The following SNRPN variants were observed in gnomAD, a reference collection of about 807,000 sequenced individuals.
SNRPN encodes small nuclear ribonucleoprotein-associated protein N.
In SNRPN, 7 loss-of-function variants were observed where a neutral mutation model predicts 25.2. That is an observed-to-expected ratio of 0.28 (90% CI 0.16 to 0.52). SNRPN has a LOEUF of 0.52. Ranked by LOEUF, SNRPN falls within the 20% of genes least tolerant of loss-of-function variation. SNRPN has a pLI of 0.96. For synonymous variants in SNRPN, 124 were observed against 110.6 expected (o/e 1.12, Z -0.76); for missense variants, 196 against 322.5 (o/e 0.61, Z 3.00).
At chr15:24,905,205 T>C (rs886245397) in intron 2 of SNRPN, among the ~76,000 whole-genome samples, 9 of 151,494 alleles carry the variant, frequency 5.9e-5, no homozygotes, top group Non-Finnish European at 1.2e-4. Flanking sequence ...GATTTTAAGA[T>C]AGATGTTAAA....
chr15:24,904,581 G>C (rs2058677597), intron 2 of SNRPN, among the ~76,000 whole-genome samples: 1 of 151,990 alleles, frequency 6.6e-6, no homozygotes, highest in African/African-American at 2.4e-5. Flanking sequence ...CATGAACCCG[G>C]GAGGCAGAGG....
intron 2 of SNRPN, chr15:24,909,725 C>A: frequency 8.0e-7 from 1 of 1,251,502 alleles, no homozygotes; most frequent in South Asian, 1.2e-5. Flanking sequence ...CAAGCGTTTC[C>A]GAGTATCGTA....
At chr15:24,894,892 CT>C (rs1187278712) in intron 2 of SNRPN, among the ~76,000 whole-genome samples, 2 of 152,136 alleles carry the variant, frequency 1.3e-5, no homozygotes, top group Admixed American at 6.5e-5. Flanking sequence ...GCTTGTCCCC[CT>C]GTAACAAGAG....
chr15:24,862,428 A>G (rs1472920938), intron 1 of SNRPN, among the ~76,000 whole-genome samples: 2 of 150,850 alleles, frequency 1.3e-5, no homozygotes, highest in African/African-American at 2.5e-5. Context: ...AAGAGAGCAC[A>G]AGAAACAGGT....
intron 3 of SNRPN, among the ~76,000 whole-genome samples, chr15:24,937,840 A>C (rs2061327699): frequency 1.3e-5 from 2 of 152,112 alleles, no homozygotes; most frequent in Non-Finnish European, 1.5e-5. Flanking sequence ...ATTAGTCTGG[A>C]TATCTCGTAT....
chr15:24,879,153 G>A (rs1473857415), intron 1 of SNRPN, among the ~76,000 whole-genome samples: 1 of 152,048 alleles, frequency 6.6e-6, no homozygotes, highest in Non-Finnish European at 1.5e-5. Flanking sequence ...TATGCATTTA[G>A]GCCGGGTGCG....
intron 2 of SNRPN, among the ~76,000 whole-genome samples, chr15:24,898,365 G>T (rs150181893): frequency 6.6e-6 from 1 of 152,100 alleles, no homozygotes; most frequent in African/African-American, 2.4e-5. Context: ...CGAGGCAGGC[G>T]GATCACGAGG....
At chr15:24,834,751 C>CTCTCTCTCTCTCTATATATATA in intron 2 of SNRPN, among the ~76,000 whole-genome samples, 36 of 60,932 alleles carry the variant, frequency 5.9e-4, no homozygotes, top group Non-Finnish European at 7.6e-4. Flanking sequence ...CTCTCTCTCT[C>CTCTCTCTCTCTCTATATATATA]TATATATATA....
intron 3 of SNRPN, among the ~76,000 whole-genome samples, chr15:24,930,254 T>A (rs2060723658): frequency 6.8e-6 from 1 of 148,102 alleles, no homozygotes; most frequent in Non-Finnish European, 1.5e-5. Flanking sequence ...TCTTTCATAG[T>A]GATTGGGTCT....
intron 1 of SNRPN, among the ~76,000 whole-genome samples, chr15:24,957,877 A>G (rs2063182994): frequency 6.6e-6 from 1 of 152,170 alleles, no homozygotes. Context: ...CGGGATCCTA[A>G]TATGGCAGAT....
chr15:24,862,295 G>A (rs1423044300), intron 1 of SNRPN, among the ~76,000 whole-genome samples: 1 of 151,046 alleles, frequency 6.6e-6, no homozygotes, highest in African/African-American at 2.5e-5. Flanking sequence ...CAGAAGAACA[G>A]AAGAGGGACA....
chr15:24,958,516 TTTTTA>T (rs2074242361), intron 1 of SNRPN, among the ~76,000 whole-genome samples: 1 of 83,594 alleles, frequency 1.2e-5, no homozygotes, highest in Non-Finnish European at 2.4e-5. Context: ...TTTTTTTTTT[TTTTTA>T]AATAGACCAG....
At chr15:24,966,100 C>A (rs1423314534) in intron 2 of SNRPN, among the ~76,000 whole-genome samples, 1 of 152,114 alleles carries the variant, frequency 6.6e-6, no homozygotes, top group African/African-American at 2.4e-5. Context: ...TCACAGTTGT[C>A]TAGATGCCCT....
At chr15:24,973,078 G>A (rs1354870010) in intron 3 of SNRPN, among the ~76,000 whole-genome samples, 1 of 152,108 alleles carries the variant, frequency 6.6e-6, no homozygotes, top group East Asian at 1.9e-4. Context: ...AGTAGAGATA[G>A]GGTTTTCGCC....
chr15:24,833,098 CTG>C (rs2050702731), intron 2 of SNRPN, among the ~76,000 whole-genome samples: 1 of 84,890 alleles, frequency 1.2e-5, no homozygotes, highest in African/African-American at 5.2e-5. Context: ...GAGCGAGACT[CTG>C]TCTCAAAAAA....
intron 3 of SNRPN, among the ~76,000 whole-genome samples, chr15:24,935,548 C>T (rs2061169249): frequency 6.6e-6 from 1 of 152,068 alleles, no homozygotes; most frequent in Non-Finnish European, 1.5e-5. Flanking sequence ...ATTTTGGGAA[C>T]AAGGTAAGGA....
In SNRPN at chr15:24,835,124, A is replaced by T. The variant is rs1383865279; in HGVS notation, c.-579+5219A>T. Among the ~76,000 whole-genome samples the T allele has an allele frequency of 4.5e-5, 3 of 66,722 alleles. 1 individual carries two copies. Among genetic ancestry groups the T allele is most frequent in the Admixed American group, 2.1e-4 (1 of 4,674 alleles). 43.8% of individuals were successfully genotyped at this position (66,722 alleles called of 152,430 possible). ...TATATATACTATATATCTATATATA[A>T]AATATATAGATATATATACTATATA... On this transcript the variant is annotated intron_variant, in intron 2 of 12. Coordinates refer to the SNRPN transcript ENST00000400100.
rs529148600 is a variant in SNRPN at position 24,832,678 on chromosome 15, C to T, written c.-579+2773C>T. Among the ~76,000 whole-genome samples, 9 of 152,116 alleles carry T rather than the reference C, an allele frequency of 5.9e-5. No individual in the cohort carries two copies. The East Asian group carries it at 9.7e-4, about 16-fold the overall frequency. ...CGCTCTTCACAATAAGCCTTGCTAC[C>T]GGTCACTCTTTGGGTCCATGGCATC... is the stretch of plus-strand genomic sequence containing the variant. On this transcript the variant is annotated intron_variant, in intron 2 of 12. Transcript: ENST00000400100.
At position 24,974,462 on chromosome 15, in the gene SNRPN, C is replaced by G. The variant is rs573573776; in HGVS notation, c.3+6C>G. 22 of 1,613,478 alleles carry G rather than the reference C, an allele frequency of 1.4e-5. No homozygotes were observed. The highest frequency in any genetic ancestry group is 1.8e-5 in the Non-Finnish European group (21 of 1,179,624). ...TTGGTGGAACAGCAATCATGGTAAG[C>G]TGTATGATAAGGCTGAGGGTTGAAA... On this transcript the variant is annotated splice_donor_region_variant and intron_variant, in intron 4 of 9. Transcript: ENST00000390687.
Sources: allele counts gnomAD v4.1 joint callset (sites outside exome capture counted in the v4.1 genomes callset), GRCh38; gene constraint gnomAD v4.1.1; transcripts MANE v1.5; gene names NCBI Gene and HGNC (gene_info 2026-07-23, HGNC 2026-07-21).